The following ADGRV1 variants were observed in gnomAD, a reference collection of about 807,000 sequenced individuals.
ADGRV1 encodes adhesion G protein-coupled receptor V1.
ADGRV1 carries 359 observed loss-of-function variants against 596.2 expected under a neutral mutation model. The observed-to-expected ratio is 0.60, with a 90% CI of 0.55 to 0.66. The LOEUF is 0.66. ADGRV1 is among the 30% of genes least tolerant of loss of function. The pLI, the probability that ADGRV1 is intolerant of heterozygous loss-of-function variation, is 0.00. For missense variants in ADGRV1, 7,274 were observed against 7,575.6 expected (o/e 0.96, Z 1.48); for synonymous variants, 2,681 against 2,679.2 (o/e 1.00, Z -0.02).
chr5:90,683,809 T>A lies in ADGRV1; in HGVS notation c.5888T>A (p.Ile1963Asn), dbSNP rs773155034. 3.7e-6 allele frequency: 6 copies of A among 1,613,906 alleles called. No homozygotes were observed. In the South Asian group the frequency reaches 6.6e-5, roughly 18 times the overall value. The change falls in exon 28 of 90, where the codon ATT (isoleucine) becomes AAT (asparagine). Residue 1963 changes from isoleucine (I) to asparagine (N), a missense_variant. Physicochemically the swap from Ile to Asn is moderately radical, Grantham distance 149. Coordinates refer to ENST00000405460, the MANE Select transcript of ADGRV1 (RefSeq NM_032119.4). The part of the protein sequence containing the change: ...SVSSGSLGAH[I>N]NATLTVLASD... ...TCCAGTGGTTCTTTGGGAGCTCATATTAATGCCACGTTAACAGTTTTGGCT... is the reference window on the plus strand; with the variant it reads ...TCCAGTGGTTCTTTGGGAGCTCATAATAATGCCACGTTAACAGTTTTGGCT...
chr5:90,863,718 G>C, intron 82 of ADGRV1, 39 bp from the exon 83 acceptor site: 1 of 1,426,144 alleles, frequency 7.0e-7, no homozygotes, highest in Non-Finnish European at 9.9e-7. Flanking sequence ...GAATCTTCAT[G>C]GATTATTAAA....
chr5:90,763,317 G>A lies in ADGRV1; in HGVS notation c.12133G>A (p.Glu4045Lys). The change falls in exon 59 of 90, where the codon GAA becomes AAA. Residue 4045 changes from glutamate (E) to lysine (K), a missense_variant. By Grantham distance (56) the Glu-to-Lys change is moderately conservative (BLOSUM62 1). Transcript: ENST00000405460. ...GFEEKTVMID[E>K]SLSSDDPDSY... ...TTTCTTCTTTCAGGTAATGATTGAT[G>A]AATCCCTTTCATCCGATGACCCTGA... The A allele has an allele frequency of 6.4e-7, 1 of 1,555,412 alleles. No individual in the cohort carries two copies. Among genetic ancestry groups the A allele is most frequent in the Non-Finnish European group, 8.7e-7 (1 of 1,143,036 alleles).
At chr5:90,787,941 T>G (rs1759650174) in intron 67 of ADGRV1, 130 bp from the exon 68 acceptor site, 1 of 589,128 alleles carries the variant, frequency 1.7e-6, no homozygotes, top group Non-Finnish European at 2.7e-6. Context: ...AAACAGGAAT[T>G]TGATGGAATT....
At chr5:91,014,806 G>T (rs1436769101) in intron 85 of ADGRV1, among the ~76,000 whole-genome samples, 1 of 151,422 alleles carries the variant, frequency 6.6e-6, no homozygotes, top group Non-Finnish European at 1.5e-5. Context: ...CTAACTAGCG[G>T]CCTATATATC....
chr5:90,727,889 C>T (rs140149249), intron 48 of ADGRV1, among the ~76,000 whole-genome samples: 73 of 152,308 alleles, frequency 4.8e-4, no homozygotes, highest in Non-Finnish European at 9.4e-4. Flanking sequence ...GTTGTTCCTT[C>T]TAACTTGATT....
intron 21 of ADGRV1, among the ~76,000 whole-genome samples, chr5:90,661,087 T>G (rs183337590): frequency 6.6e-6 from 1 of 152,356 alleles, no homozygotes; most frequent in East Asian, 1.9e-4. Flanking sequence ...TGGATTTTGT[T>G]AGATCTATAG....
intron 85 of ADGRV1, among the ~76,000 whole-genome samples, chr5:91,029,547 A>G (rs1459919577): frequency 2.0e-5 from 3 of 152,128 alleles, no homozygotes; most frequent in African/African-American, 7.2e-5. Context: ...GACATTGACA[A>G]ATTACTCTGA....
chr5:91,026,734 T>G (rs1218124507), intron 85 of ADGRV1, among the ~76,000 whole-genome samples: 1 of 151,994 alleles, frequency 6.6e-6, no homozygotes, highest in Admixed American at 6.6e-5. Context: ...GGGCCTCAGT[T>G]AAAATGTGTA....
At chr5:90,891,797 G>T (rs369504770) in intron 83 of ADGRV1, among the ~76,000 whole-genome samples, 2 of 151,780 alleles carry the variant, frequency 1.3e-5, no homozygotes, top group Non-Finnish European at 2.9e-5. Flanking sequence ...TCATAAACCC[G>T]CCTGCTATCA....
chr5:90,795,833 C>G (rs1490511860), intron 70 of ADGRV1, among the ~76,000 whole-genome samples: 1 of 152,230 alleles, frequency 6.6e-6, no homozygotes, highest in South Asian at 2.1e-4. Flanking sequence ...TCTGCAGCCT[C>G]TGCTGGTGAT....
Position 90,984,959 on chromosome 5 carries a change from G to A in ADGRV1, c.17974-385G>A, listed in dbSNP as rs78196352. ...ATTGTCAAAAAGCTTGAAAATATAG[G>A]GCTTTTTATTTCATTATCACCTGGA... On this transcript the variant is annotated intron_variant, in intron 84 of 89. Transcript: ENST00000405460. Among the ~76,000 whole-genome samples, 595 of 152,174 alleles carry A rather than the reference G, an allele frequency of 3.9e-3. 6 individuals carry two copies. The highest frequency in any genetic ancestry group is 0.014 in the African/African-American group (574 of 41,506).
chr5:90,805,556 G>A (rs2150201809), intron 72 of ADGRV1, 98 bp downstream of exon 72: 1 of 1,034,920 alleles, frequency 9.7e-7, no homozygotes, highest in East Asian at 2.5e-5. Flanking sequence ...GACACTAAAT[G>A]TAGTTTTCGA....
At chr5:90,677,540 A>C (rs934642319) in intron 25 of ADGRV1, among the ~76,000 whole-genome samples, 1 of 152,326 alleles carries the variant, frequency 6.6e-6, no homozygotes, top group African/African-American at 2.4e-5. Flanking sequence ...TAAAGCTAAA[A>C]ATCCTTATGT....
At chr5:90,732,435 C>CTAATTGAG (rs1752673092) in intron 50 of ADGRV1, among the ~76,000 whole-genome samples, 1 of 152,130 alleles carries the variant, frequency 6.6e-6, no homozygotes, top group Non-Finnish European at 1.5e-5. Flanking sequence ...ATTAACCCAT[C>CTAATTGAG]CATTACCTCA....
At chr5:90,896,267 GTTT>G (rs547252109) in intron 83 of ADGRV1, among the ~76,000 whole-genome samples, 1 of 84,858 alleles carries the variant, frequency 1.2e-5, no homozygotes. Flanking sequence ...GTGACCAGTG[GTTT>G]TTTTTTTTTT....
At chr5:90,764,669 A>G (rs2090592) in intron 59 of ADGRV1, among the ~76,000 whole-genome samples, 29 of 152,228 alleles carry the variant, frequency 1.9e-4, no homozygotes, top group African/African-American at 6.5e-4. Flanking sequence ...GATCTTCAGA[A>G]GTCCTTTAGC....
intron 84 of ADGRV1, among the ~76,000 whole-genome samples, chr5:90,977,356 A>G (rs1779702220): frequency 2.0e-5 from 3 of 152,248 alleles, no homozygotes; most frequent in Admixed American, 2.0e-4. Flanking sequence ...AATTAATAGC[A>G]TCTGTGATCT....
intron 84 of ADGRV1, among the ~76,000 whole-genome samples, chr5:90,982,860 G>A (rs1780195107): frequency 6.6e-6 from 1 of 152,172 alleles, no homozygotes; most frequent in Non-Finnish European, 1.5e-5. Flanking sequence ...TAGAGAGGCA[G>A]GGTTTGGAAA....
At chr5:90,924,531 A>C (rs1774224570) in intron 83 of ADGRV1, among the ~76,000 whole-genome samples, 1 of 150,822 alleles carries the variant, frequency 6.6e-6, no homozygotes, top group Admixed American at 6.6e-5. Context: ...TCTGGATATT[A>C]GCCCTTTGTC....
Sources: allele counts gnomAD v4.1 joint callset (sites outside exome capture counted in the v4.1 genomes callset), GRCh38; gene constraint gnomAD v4.1.1; transcripts MANE v1.5; gene names NCBI Gene and HGNC (gene_info 2026-07-23, HGNC 2026-07-21).